Variants in AMPD3 observed in about 807,000 individuals in gnomAD.
The protein encoded by AMPD3 is AMP deaminase 3.
In AMPD3, 57 loss-of-function variants were observed where a neutral mutation model predicts 82.3. The observed-to-expected ratio is 0.69, with a 90% CI of 0.56 to 0.86. AMPD3 has a LOEUF of 0.86. AMPD3 is among the 40% of genes least tolerant of loss of function. AMPD3 has a pLI of 0.00. For synonymous variants in AMPD3, 381 were observed against 394.7 expected, an observed-to-expected ratio of 0.97 and a Z score of 0.41; for missense variants, 870 against 1,003.8, an observed-to-expected ratio of 0.87 and a Z score of 1.80.
intron 11 of AMPD3, chr11:10,500,467 C>A: frequency 1.7e-6 from 1 of 578,494 alleles, no homozygotes; most frequent in African/African-American, 2.0e-5. Flanking sequence ...ACATGCCCAC[C>A]ATAACACACA....
chr11:10,484,472 A>G, intron 4 of AMPD3: 1 of 985,366 alleles, frequency 1.0e-6, no homozygotes, highest in Non-Finnish European at 1.2e-6. Flanking sequence ...GTGCCGAGGA[A>G]AATGAAGCCC....
At chr11:10,497,876 T>C (rs1849465017) in intron 10 of AMPD3, 1 of 976,306 alleles carries the variant, frequency 1.0e-6, no homozygotes, top group African/African-American at 1.7e-5. Context: ...ACCCCGTTAC[T>C]ATCACCATTT....
rs1162340602 is a variant in AMPD3 at position 10,505,629 on chromosome 11, T to A, written c.2128-79T>A. The A allele has an allele frequency of 6.0e-5, 95 of 1,575,768 alleles. No individual in the cohort carries two copies. In the Middle Eastern group the frequency reaches 6.7e-4, roughly 11 times the overall value. ...GGGGACTAGTCTGACTTGCTGTGAC[T>A]GATGTCAAAGCTGCCCACATGGCTA... On this transcript the variant is annotated intron_variant, in intron 14 of 14. Coordinates refer to ENST00000396553, the MANE Select transcript of AMPD3 (RefSeq NM_001025389.2).
chr11:10,466,532 C>T (rs949618681), intron 2 of AMPD3, among the ~76,000 whole-genome samples: 5 of 152,190 alleles, frequency 3.3e-5, no homozygotes, highest in Non-Finnish European at 7.3e-5. Context: ...AAAAAGGCAG[C>T]AGCCCCAATC....
At chr11:10,484,697 A>G in intron 4 of AMPD3, 123 bp from the exon 5 acceptor site, 1 of 1,292,378 alleles carries the variant, frequency 7.7e-7, no homozygotes. Context: ...AGCATATGAG[A>G]TGCGGGGCCG....
chr11:10,468,630 A>T (rs1848492048), intron 2 of AMPD3, among the ~76,000 whole-genome samples: 1 of 152,214 alleles, frequency 6.6e-6, no homozygotes, highest in Admixed American at 6.5e-5. Context: ...ATTAACAAGG[A>T]TATTCAGGAC....
chr11:10,487,462 T>C (rs1849108480), intron 6 of AMPD3, 98 bp downstream of exon 6: 1 of 1,561,994 alleles, frequency 6.4e-7, no homozygotes, highest in South Asian at 1.1e-5. Context: ...CTGTGAGAAC[T>C]TCAGGGCTCC....
At chr11:10,457,812 C>T (rs562058650) in intron 1 of AMPD3, among the ~76,000 whole-genome samples, 25 of 152,228 alleles carry the variant, frequency 1.6e-4, no homozygotes, top group Non-Finnish European at 2.5e-4. Context: ...GGAGAATCAC[C>T]GGAGCCTGTG....
Position 10,455,852 on chromosome 11 carries a change from C to G in AMPD3, c.-6+404C>G, listed in dbSNP as rs532308843. ...GGGGGCTTTCTGAGAAGAGGCAGGTCGGGCTGTACCTGAGACCAATCCCCT... is the reference window on the plus strand; with the variant it reads ...GGGGGCTTTCTGAGAAGAGGCAGGTGGGGCTGTACCTGAGACCAATCCCCT... On this transcript the variant is annotated intron_variant, in intron 1 of 14. Transcript: ENST00000396553. 1.4e-5 allele frequency: 13 copies of G among 958,130 alleles called. No homozygotes were observed. The East Asian group carries it at 1.3e-3, about 93-fold the overall frequency. 59.4% of individuals were successfully genotyped at this position (958,130 alleles called of 1,614,324 possible).
At chr11:10,465,557 A>G (rs1283425589) in intron 2 of AMPD3, among the ~76,000 whole-genome samples, 1 of 152,174 alleles carries the variant, frequency 6.6e-6, no homozygotes, top group Non-Finnish European at 1.5e-5. Context: ...GGTGCAGCCC[A>G]AGGAGGGTGA....
chr11:10,459,099 G>C (rs975403919), intron 1 of AMPD3, among the ~76,000 whole-genome samples: 1 of 152,138 alleles, frequency 6.6e-6, no homozygotes, highest in Non-Finnish European at 1.5e-5. Flanking sequence ...CCCACAGGCA[G>C]CTCTGTTCCT....
chr11:10,489,254 C>G (rs1324828327), intron 6 of AMPD3, among the ~76,000 whole-genome samples: 1 of 152,242 alleles, frequency 6.6e-6, no homozygotes, highest in Non-Finnish European at 1.5e-5. Context: ...AGCACATGCC[C>G]AGGCCCGTGT....
At chr11:10,463,271 G>A (rs1210042737) in intron 2 of AMPD3, among the ~76,000 whole-genome samples, 1 of 152,168 alleles carries the variant, frequency 6.6e-6, no homozygotes, top group African/African-American at 2.4e-5. Context: ...CTGGTGTAAA[G>A]GCAAGAACAG....
At chr11:10,465,256 T>C in intron 2 of AMPD3, among the ~76,000 whole-genome samples, 1 of 152,198 alleles carries the variant, frequency 6.6e-6, no homozygotes, top group East Asian at 1.9e-4. Context: ...AGTTTAGGGA[T>C]AACACACCTC....
At chr11:10,468,916 C>A (rs907284363) in intron 2 of AMPD3, among the ~76,000 whole-genome samples, 8 of 152,162 alleles carry the variant, frequency 5.3e-5, no homozygotes, top group African/African-American at 1.9e-4. Context: ...GAAATGAAGG[C>A]AGAAATAAAG....
rs754164668 is a variant in AMPD3, at chr11:10,477,158, C to A, written c.222-1368C>A. ...GGAAGAGAGCTGCTTCTGGGTAAGC[C>A]CTGAAACTTATTTGGGGATCAACTG... On this transcript the variant is annotated intron_variant, in intron 2 of 14. Coordinates refer to ENST00000396553, the MANE Select transcript of AMPD3 (RefSeq NM_001025389.2). The A allele has an allele frequency of 5.2e-5, 51 of 973,014 alleles. 1 individual carries two copies. In the Middle Eastern group the frequency reaches 1.6e-3, roughly 30 times the overall value. The allele number at this position is 973,014 out of a possible 1,614,324, so 60.3% of individuals were successfully genotyped here.
chr11:10,502,384 C>G, intron 12 of AMPD3: 1 of 985,472 alleles, frequency 1.0e-6, no homozygotes, highest in Non-Finnish European at 1.2e-6. Flanking sequence ...AGACTGGGTC[C>G]GTGCCTAGGA....
At chr11:10,490,205 G>C (rs894353805) in intron 6 of AMPD3, among the ~76,000 whole-genome samples, 2 of 152,212 alleles carry the variant, frequency 1.3e-5, no homozygotes, top group African/African-American at 2.4e-5. Flanking sequence ...GAGACACCCC[G>C]AGGCCCAGCC....
intron 4 of AMPD3, among the ~76,000 whole-genome samples, chr11:10,483,016 C>A (rs1848959073): frequency 6.6e-6 from 1 of 152,150 alleles, no homozygotes; most frequent in Non-Finnish European, 1.5e-5. Flanking sequence ...TTTCTCTAAG[C>A]CTCACTTTGT....
Sources: gnomAD v4.1 joint callset for allele counts (sites outside exome capture counted in the v4.1 genomes callset) on GRCh38, gnomAD v4.1.1 for gene constraint, MANE v1.5 for transcripts, NCBI Gene and HGNC (gene_info 2026-07-23, HGNC 2026-07-21) for gene names.